Variants in RPS6KA5 observed in about 807,000 individuals in gnomAD.
RPS6KA5 encodes ribosomal protein S6 kinase A5, also known as ribosomal protein S6 kinase alpha-5.
RPS6KA5 carries 27 observed loss-of-function variants against 85.5 expected under a neutral mutation model. The ratio of observed to expected loss-of-function variants is 0.32; its 90% confidence interval spans 0.23 to 0.44. RPS6KA5 has a LOEUF of 0.44. Ranked by LOEUF, RPS6KA5 falls within the 20% of genes least tolerant of loss-of-function variation. RPS6KA5 has a pLI of 1.00. For missense variants in RPS6KA5, 811 were observed against 980.9 expected, an observed-to-expected ratio of 0.83 and a Z score of 2.31; for synonymous variants, 334 against 348.2, an observed-to-expected ratio of 0.96 and a Z score of 0.46.
At chr14:91,004,217 C>G (rs1161300923) in intron 1 of RPS6KA5, among the ~76,000 whole-genome samples, 1 of 152,230 alleles carries the variant, frequency 6.6e-6, no homozygotes, top group African/African-American at 2.4e-5. Context: ...TCCCGAGGAG[C>G]TGGGCCTACA....
intron 8 of RPS6KA5, among the ~76,000 whole-genome samples, chr14:90,903,774 T>C (rs936779011): frequency 2.6e-5 from 4 of 152,168 alleles, no homozygotes; most frequent in African/African-American, 9.7e-5. Flanking sequence ...AAGATGCCAT[T>C]ACTGATAGTA....
chr14:90,975,875 A>G (rs140648789), intron 3 of RPS6KA5, among the ~76,000 whole-genome samples: 391 of 152,362 alleles, frequency 2.6e-3, no homozygotes, highest in Non-Finnish European at 4.1e-3. Context: ...TAATGTGAAC[A>G]GAAGATAGAA....
At chr14:91,025,399 C>G (rs1397056956) in intron 1 of RPS6KA5, among the ~76,000 whole-genome samples, 1 of 152,126 alleles carries the variant, frequency 6.6e-6, no homozygotes, top group Admixed American at 6.5e-5. Flanking sequence ...CCATACCCAA[C>G]AAGACTACTG....
chr14:90,896,084 T>C (rs1038730588), intron 12 of RPS6KA5, among the ~76,000 whole-genome samples: 1 of 152,234 alleles, frequency 6.6e-6, no homozygotes, highest in Admixed American at 6.5e-5. Flanking sequence ...AAGTACATTA[T>C]CCTGAAAGCA....
rs2036497444 is a variant in RPS6KA5, at chr14:90,923,323, CA to C, written c.619-128del. 3 of 699,038 alleles carry C rather than the reference CA, an allele frequency of 4.3e-6. No individual in the cohort carries two copies. The South Asian group carries it at 4.9e-5, about 12-fold the overall frequency. 43.3% of individuals were successfully genotyped at this position (699,038 alleles called of 1,614,324 possible). ...CAAAGTAGTGGTAGAATCTACTTGA[CA>C]GACCCACTCTTCACTGGAACAGACC... On this transcript the variant is annotated intron_variant, in intron 5 of 16. Coordinates refer to ENST00000614987, the MANE Select transcript of RPS6KA5 (RefSeq NM_004755.4).
intron 5 of RPS6KA5, 81 bp downstream of exon 5, chr14:90,942,997 T>C: frequency 1.2e-6 from 1 of 832,548 alleles, no homozygotes; most frequent in Non-Finnish European, 2.0e-6. Flanking sequence ...GGCAGTTTTC[T>C]GCTAAATGTT....
chr14:90,973,468 G>A (rs145276068), intron 3 of RPS6KA5, among the ~76,000 whole-genome samples: 1 of 151,708 alleles, frequency 6.6e-6, no homozygotes, highest in African/African-American at 2.4e-5. Context: ...AAGAGATGGT[G>A]AAAACACAGA....
chr14:90,886,273 GA>G (rs1281002817), intron 14 of RPS6KA5, among the ~76,000 whole-genome samples: 1 of 151,898 alleles, frequency 6.6e-6, no homozygotes, highest in East Asian at 1.9e-4. Flanking sequence ...AAAATTGTGG[GA>G]AAAAAATTAA....
intron 1 of RPS6KA5, among the ~76,000 whole-genome samples, chr14:91,001,469 G>A (rs2040793661): frequency 6.6e-6 from 1 of 152,124 alleles, no homozygotes; most frequent in Non-Finnish European, 1.5e-5. Flanking sequence ...ATTCTAATAT[G>A]TAGATAGATA....
At chr14:90,890,455 C>G (rs1298014718) in intron 14 of RPS6KA5, 32 bp downstream of exon 14, 1 of 1,528,900 alleles carries the variant, frequency 6.5e-7, no homozygotes, top group African/African-American at 1.4e-5. Flanking sequence ...AAGAAATAAG[C>G]AGGTTTAATG....
chr14:90,885,552 C>CAAA lies in RPS6KA5; in HGVS notation c.1836+4932_1836+4934dup, dbSNP rs780292114. Among the ~76,000 whole-genome samples, 11 of 19,874 alleles carry CAAA rather than the reference C, an allele frequency of 5.5e-4. 3 individuals are homozygous for CAAA. Among genetic ancestry groups the CAAA allele is most frequent in the African/African-American group, 1.7e-3 (4 of 2,416 alleles). The allele number at this position is 19,874 out of a possible 152,430, so 13.0% of individuals were successfully genotyped here. ...TGGGCGACAGAGCGAGACTCCGTCT[C>CAAA]AAAAAAAAAAAAAAAAAAAAAAAAA... On this transcript the variant is annotated intron_variant, in intron 14 of 16. Transcript: ENST00000614987.
chr14:90,865,818 A>G lies in RPS6KA5; in HGVS notation c.*6256T>C, dbSNP rs1292665487. The stretch of plus-strand genomic sequence containing the variant: ...AAGTTCCTTTATGTACACAGTAGAC[A>G]AAGCCTTTTAAAGAGATTTGTCCAT... On this transcript the variant is annotated 3_prime_UTR_variant, in exon 17 of 17. Coordinates refer to ENST00000614987, the MANE Select transcript of RPS6KA5 (RefSeq NM_004755.4). 2 of 152,208 alleles carry G rather than the reference A, an allele frequency of 1.3e-5. No individual in the cohort carries two copies. Among genetic ancestry groups the G allele is most frequent in the African/African-American group, 4.8e-5 (2 of 41,450 alleles). 9.4% of individuals were successfully genotyped at this position (152,208 alleles called of 1,614,324 possible).
intron 7 of RPS6KA5, among the ~76,000 whole-genome samples, chr14:90,916,908 C>G: frequency 6.6e-6 from 1 of 152,168 alleles, no homozygotes; most frequent in East Asian, 1.9e-4. Context: ...GTGAACATTA[C>G]TTTGTTCAGA....
chr14:91,012,066 T>C (rs538284989), intron 1 of RPS6KA5, among the ~76,000 whole-genome samples: 37 of 152,258 alleles, frequency 2.4e-4, no homozygotes, highest in Admixed American at 7.8e-4. Context: ...CAAAACCTTA[T>C]CCAATTTTCA....
In RPS6KA5 at chr14:90,899,335, A is replaced by G. The variant is rs2035025779; in HGVS notation, c.1467T>C (p.His489=). Residue 489 remains histidine (H), a synonymous_variant, in exon 12 of 17, where the codon CAT becomes CAC. Transcript: ENST00000614987. ...PNIVKLHEVF[H]DQLHTFLVME... ...AAAAAAAAAAGTAGGATACCTGATCATGAAAAACTTCATGCAACTTCACAA... is the reference window on the plus strand; with the variant it reads ...AAAAAAAAAAGTAGGATACCTGATCGTGAAAAACTTCATGCAACTTCACAA... 2 of 1,598,414 alleles carry G rather than the reference A, an allele frequency of 1.3e-6. No homozygotes were observed. The highest frequency in any genetic ancestry group is 1.7e-6 in the Non-Finnish European group (2 of 1,171,324).
intron 2 of RPS6KA5, among the ~76,000 whole-genome samples, chr14:90,988,923 A>G (rs533831648): frequency 6.6e-5 from 10 of 152,276 alleles, no homozygotes; most frequent in Non-Finnish European, 1.5e-4. Context: ...CAAAATTGCA[A>G]TTAGCAACAT....
chr14:91,011,079 C>T (rs968961398), intron 1 of RPS6KA5, among the ~76,000 whole-genome samples: 1 of 152,196 alleles, frequency 6.6e-6, no homozygotes, highest in African/African-American at 2.4e-5. Flanking sequence ...TATGCAAAGT[C>T]ACCTTACGAA....
rs912616927 is a variant in RPS6KA5, at chr14:90,858,450, A to G, written c.*13624T>C. 1 of 152,236 alleles carries G rather than the reference A, an allele frequency of 6.6e-6. No individual in the cohort carries two copies. Among genetic ancestry groups the G allele is most frequent in the African/African-American group, 2.4e-5 (1 of 41,454 alleles). 9.4% of individuals were successfully genotyped at this position (152,236 alleles called of 1,614,324 possible). ...GAGAATTATTATACTTTGTAAATGG[A>G]AATACCACTACTAAGAACAGAATGC... On this transcript the variant is annotated 3_prime_UTR_variant, in exon 17 of 17. Transcript: ENST00000614987.
intron 1 of RPS6KA5, among the ~76,000 whole-genome samples, chr14:91,011,357 G>T (rs2041249038): frequency 6.6e-6 from 1 of 152,000 alleles, no homozygotes; most frequent in South Asian, 2.1e-4. Context: ...GTGGTGGCAG[G>T]CGCCTGTAGT....
Sources: allele counts gnomAD v4.1 joint callset (sites outside exome capture counted in the v4.1 genomes callset), GRCh38; gene constraint gnomAD v4.1.1; transcripts MANE v1.5; gene names NCBI Gene and HGNC (gene_info 2026-07-23, HGNC 2026-07-21).